The following MCTP1 variants were observed in gnomAD, a reference collection of about 807,000 sequenced individuals.
MCTP1 encodes the protein multiple C2 and transmembrane domain-containing protein 1.
MCTP1 carries 69 observed loss-of-function variants against 120.6 expected under a neutral mutation model. The observed-to-expected ratio is 0.57, with a 90% CI of 0.47 to 0.70. The LOEUF (loss-of-function observed/expected upper bound fraction) is 0.70. MCTP1 is among the 30% of genes least tolerant of loss of function. MCTP1 has a pLI of 0.00. For missense variants in MCTP1, 1,203 were observed against 1,248.8 expected (o/e 0.96, Z 0.55); for synonymous variants, 529 against 493.1 (o/e 1.07, Z -0.96).
intron 1 of MCTP1, among the ~76,000 whole-genome samples, chr5:95,195,901 T>A (rs1750335316): frequency 6.6e-6 from 1 of 152,174 alleles, no homozygotes; most frequent in Admixed American, 6.5e-5. Context: ...TCTCCAAGAC[T>A]TATTTTATTA....
intron 1 of MCTP1, among the ~76,000 whole-genome samples, chr5:95,232,005 G>T (rs1477234512): frequency 1.3e-5 from 2 of 152,076 alleles, no homozygotes; most frequent in Non-Finnish European, 2.9e-5. Context: ...GCTGTTAGGT[G>T]CATTGTAGGA....
chr5:95,230,677 T>C (rs1346181643), intron 1 of MCTP1, among the ~76,000 whole-genome samples: 1 of 152,180 alleles, frequency 6.6e-6, no homozygotes, highest in Admixed American at 6.5e-5. Context: ...AGGATATAAA[T>C]AACTCCCACA....
chr5:94,942,462 T>C (rs1310232255), intron 3 of MCTP1, 35 bp from the exon 4 acceptor site: 3 of 1,426,420 alleles, frequency 2.1e-6, no homozygotes, highest in East Asian at 4.6e-5. Flanking sequence ...TTGTTATAAA[T>C]ATCTCCAATA....
At chr5:94,722,102 A>C (rs923904513) in intron 19 of MCTP1, among the ~76,000 whole-genome samples, 1 of 152,204 alleles carries the variant, frequency 6.6e-6, no homozygotes, top group African/African-American at 2.4e-5. Flanking sequence ...TGCAACAGAA[A>C]GTTAACTAGA....
intron 19 of MCTP1, among the ~76,000 whole-genome samples, chr5:94,777,079 G>A (rs201016317): frequency 2.6e-5 from 4 of 151,832 alleles, no homozygotes; most frequent in African/African-American, 9.7e-5. Flanking sequence ...CTTTTTTATC[G>A]CTCAAATAAA....
At chr5:94,982,817 A>C (rs1829686305) in intron 2 of MCTP1, among the ~76,000 whole-genome samples, 2 of 138,434 alleles carry the variant, frequency 1.4e-5, no homozygotes, top group Admixed American at 7.8e-5. Flanking sequence ...TGAACCTGGG[A>C]GGAAGAGGCT....
intron 19 of MCTP1, among the ~76,000 whole-genome samples, chr5:94,766,057 C>T (rs1044906228): frequency 1.3e-5 from 2 of 152,092 alleles, no homozygotes; most frequent in Admixed American, 1.3e-4. Flanking sequence ...CCAGCCCAGC[C>T]AACATGGCGA....
At chr5:95,177,817 G>A (rs1404477486) in intron 1 of MCTP1, among the ~76,000 whole-genome samples, 1 of 152,162 alleles carries the variant, frequency 6.6e-6, no homozygotes, top group African/African-American at 2.4e-5. Flanking sequence ...ATCATATAAG[G>A]AATTACTAGA....
intron 1 of MCTP1, among the ~76,000 whole-genome samples, chr5:95,098,967 G>A (rs1308869042): frequency 9.9e-5 from 15 of 151,982 alleles, no homozygotes; most frequent in South Asian, 2.1e-4. Flanking sequence ...AAATAACGCC[G>A]CATATCTGCA....
Position 94,817,763 on chromosome 5 carries a change from C to T in MCTP1, c.2437-18631G>A, listed in dbSNP as rs1402590132. Among the ~76,000 whole-genome samples, 9 of 152,278 alleles carry T rather than the reference C, an allele frequency of 5.9e-5. No individual in the cohort carries two copies. In the East Asian group the frequency reaches 1.5e-3, roughly 26 times the overall value. On this transcript the variant is annotated intron_variant, in intron 17 of 22. Coordinates refer to ENST00000515393, the MANE Select transcript of MCTP1 (RefSeq NM_024717.7). The stretch of plus-strand genomic sequence containing the variant: ...TACATATTTCCTCTTCTCATCTGAA[C>T]CATTATTGGTTTACATATATGATTT...
At chr5:94,836,488 C>T (rs1238204892) in intron 17 of MCTP1, among the ~76,000 whole-genome samples, 1 of 152,202 alleles carries the variant, frequency 6.6e-6, no homozygotes, top group Non-Finnish European at 1.5e-5. Context: ...TCACCTTCTT[C>T]AGTCTCCTGT....
intron 13 of MCTP1, 89 bp from the exon 14 acceptor site, chr5:94,871,506 G>C (rs1196016079): frequency 3.5e-6 from 3 of 857,402 alleles, no homozygotes; most frequent in Non-Finnish European, 5.8e-6. Flanking sequence ...AGCTCCAGCT[G>C]ATTTTGTGTG....
At chr5:95,074,463 G>T (rs1242796185) in intron 1 of MCTP1, among the ~76,000 whole-genome samples, 3 of 152,208 alleles carry the variant, frequency 2.0e-5, no homozygotes, top group Non-Finnish European at 4.4e-5. Context: ...GTAATCAATT[G>T]TCATTTGTTT....
chr5:94,762,588 T>C (rs566618350), intron 19 of MCTP1, among the ~76,000 whole-genome samples: 6 of 152,196 alleles, frequency 3.9e-5, no homozygotes, highest in Admixed American at 1.3e-4. Flanking sequence ...GGACACATTC[T>C]CTGTCTATTC....
At chr5:95,199,825 C>T (rs1750800236) in intron 1 of MCTP1, among the ~76,000 whole-genome samples, 1 of 151,594 alleles carries the variant, frequency 6.6e-6, no homozygotes, top group Admixed American at 6.6e-5. Context: ...TGCCACTGCA[C>T]TCCAGTCTGG....
intron 19 of MCTP1, among the ~76,000 whole-genome samples, chr5:94,717,039 T>C (rs1054624566): frequency 6.6e-6 from 1 of 152,152 alleles, no homozygotes; most frequent in African/African-American, 2.4e-5. Flanking sequence ...GTTAACTATT[T>C]GGGGAAAGTT....
chr5:94,877,659 G>C (rs1403317577), intron 12 of MCTP1: 3 of 152,086 alleles, frequency 2.0e-5, no homozygotes, highest in Non-Finnish European at 4.4e-5. Flanking sequence ...CTTAGTCCTT[G>C]CTCTTTGAGG....
At chr5:94,886,805 A>G (rs2153380487) in intron 12 of MCTP1, among the ~76,000 whole-genome samples, 1 of 152,340 alleles carries the variant, frequency 6.6e-6, no homozygotes, top group South Asian at 2.1e-4. Context: ...AAGAGAAAGC[A>G]GACAAAGAAC....
chr5:94,744,587 T>C (rs1459453465), intron 19 of MCTP1, among the ~76,000 whole-genome samples: 1 of 152,100 alleles, frequency 6.6e-6, no homozygotes, highest in Non-Finnish European at 1.5e-5. Flanking sequence ...CACTGCAACC[T>C]CTGTCTCCCA....
Sources: gnomAD v4.1 joint callset for allele counts (sites outside exome capture counted in the v4.1 genomes callset) on GRCh38, gnomAD v4.1.1 for gene constraint, MANE v1.5 for transcripts, NCBI Gene and HGNC (gene_info 2026-07-23, HGNC 2026-07-21) for gene names.